Variants in NR1H4 observed in about 807,000 individuals in gnomAD.
The protein encoded by NR1H4 is bile acid receptor.
Under a neutral mutation model 58.5 loss-of-function variants are expected in NR1H4, and 23 were observed. The observed-to-expected ratio is 0.39, with a 90% CI of 0.28 to 0.56. NR1H4 has a LOEUF of 0.56. NR1H4 is among the 20% of genes least tolerant of loss of function. The pLI is 0.58. For synonymous variants in NR1H4, 214 were observed against 198.0 expected (o/e 1.08, Z -0.68); for missense variants, 487 against 576.9 (o/e 0.84, Z 1.60).
chr12:100,507,498 C>G (rs374537823), intron 3 of NR1H4, among the ~76,000 whole-genome samples: 1 of 151,944 alleles, frequency 6.6e-6, no homozygotes, highest in Non-Finnish European at 1.5e-5. Flanking sequence ...GAGTCTTGCT[C>G]TGTCTCCAGG....
intron 1 of NR1H4, among the ~76,000 whole-genome samples, chr12:100,477,833 C>T (rs148032520): frequency 6.6e-6 from 1 of 152,150 alleles, no homozygotes; most frequent in Admixed American, 6.5e-5. Flanking sequence ...AAAGAAATGT[C>T]ATTCCAAAGT....
rs757460153 is a variant in NR1H4 at position 100,540,703 on chromosome 12, T to C, written c.963T>C (p.Ile321=). The C allele has an allele frequency of 6.9e-5, 111 of 1,614,104 alleles. No homozygotes were observed. The highest frequency in any genetic ancestry group is 9.1e-5 in the Non-Finnish European group (107 of 1,180,024). ...GFQTLDHEDQ[I]ALLKGSAVEA... ...AGACTTTGGACCATGAAGACCAGATTGCTTTGCTGAAAGGGTCTGCGGTTG... is the reference window on the plus strand; with the variant it reads ...AGACTTTGGACCATGAAGACCAGATCGCTTTGCTGAAAGGGTCTGCGGTTG... The change falls in exon 9 of 11, where the codon ATT becomes ATC. Residue 321 remains isoleucine, a synonymous_variant. Transcript: ENST00000392986.
intron 9 of NR1H4, among the ~76,000 whole-genome samples, chr12:100,547,995 C>T (rs1196839636): frequency 2.0e-5 from 3 of 150,530 alleles, no homozygotes; most frequent in East Asian, 2.0e-4. Context: ...GCTGGGATTA[C>T]AGGCTTGAGC....
intron 4 of NR1H4, among the ~76,000 whole-genome samples, chr12:100,516,587 C>T (rs1954272358): frequency 6.6e-6 from 1 of 152,116 alleles, no homozygotes; most frequent in Non-Finnish European, 1.5e-5. Context: ...AGAATGATCT[C>T]CATCTCCTGA....
chr12:100,508,674 C>A (rs1219575025), intron 3 of NR1H4, among the ~76,000 whole-genome samples: 3 of 152,126 alleles, frequency 2.0e-5, no homozygotes. Context: ...CATACAAGTG[C>A]CTGCTACTAC....
At chr12:100,542,345 T>TAA (rs1954957871) in intron 9 of NR1H4, among the ~76,000 whole-genome samples, 1 of 150,942 alleles carries the variant, frequency 6.6e-6, no homozygotes, top group African/African-American at 2.5e-5. Flanking sequence ...AGACTCAGTC[T>TAA]GAAAAAAAAA....
chr12:100,557,914 T>G (rs907248813), intron 9 of NR1H4, among the ~76,000 whole-genome samples: 1 of 152,248 alleles, frequency 6.6e-6, no homozygotes, highest in Admixed American at 6.5e-5. Context: ...CTCATCTCAA[T>G]TAATCCATAA....
chr12:100,476,257 G>A (rs1053399177), intron 1 of NR1H4, among the ~76,000 whole-genome samples: 4 of 152,104 alleles, frequency 2.6e-5, no homozygotes, highest in African/African-American at 9.7e-5. Context: ...GGGACCAGCC[G>A]TTAAGCATTC....
chr12:100,482,954 T>C (rs1471706325), intron 1 of NR1H4, among the ~76,000 whole-genome samples: 1 of 152,012 alleles, frequency 6.6e-6, no homozygotes, highest in African/African-American at 2.4e-5. Flanking sequence ...TGAGACAGAG[T>C]GTCACTCTGT....
At chr12:100,494,915 T>C (rs570333185) in intron 3 of NR1H4, among the ~76,000 whole-genome samples, 1 of 152,340 alleles carries the variant, frequency 6.6e-6, no homozygotes, top group East Asian at 1.9e-4. Context: ...GGCTTCATCA[T>C]TACTAAACCA....
intron 1 of NR1H4, among the ~76,000 whole-genome samples, chr12:100,475,838 C>T (rs771211128): frequency 3.9e-5 from 6 of 152,118 alleles, no homozygotes; most frequent in Non-Finnish European, 8.8e-5. Flanking sequence ...CGGGTTCAAG[C>T]GATTCTCCTG....
chr12:100,501,949 A>G (rs900726250), intron 3 of NR1H4, among the ~76,000 whole-genome samples: 1 of 152,180 alleles, frequency 6.6e-6, no homozygotes, highest in Non-Finnish European at 1.5e-5. Context: ...AAAAACAACC[A>G]ATAGACTTAA....
chr12:100,558,377 GAGAC>G (rs1180891559), intron 9 of NR1H4, among the ~76,000 whole-genome samples: 2 of 120,808 alleles, frequency 1.7e-5, no homozygotes, highest in Non-Finnish European at 3.3e-5. Context: ...AAAAAAAAAA[GAGAC>G]AGCATCTCAC....
At chr12:100,551,967 A>G (rs1955213135) in intron 9 of NR1H4, among the ~76,000 whole-genome samples, 1 of 152,230 alleles carries the variant, frequency 6.6e-6, no homozygotes. Context: ...TGACAAGAAA[A>G]AAGTCTGTAC....
chr12:100,487,595 CTTTTTTTTTT>C (rs34694873), intron 1 of NR1H4, among the ~76,000 whole-genome samples: 3 of 115,976 alleles, frequency 2.6e-5, no homozygotes, highest in South Asian at 2.9e-4. Context: ...TCTTCTTCTT[CTTTTTTTTTT>C]TTTTTTTTTG....
intron 3 of NR1H4, among the ~76,000 whole-genome samples, chr12:100,506,166 A>G (rs1211737810): frequency 6.6e-6 from 1 of 152,196 alleles, no homozygotes; most frequent in African/African-American, 2.4e-5. Context: ...TCAATTAACT[A>G]TGATTAAAAT....
chr12:100,486,695 TAAG>T (rs1024864050), intron 1 of NR1H4, among the ~76,000 whole-genome samples: 2 of 151,642 alleles, frequency 1.3e-5, no homozygotes, highest in African/African-American at 4.9e-5. Context: ...TGATCGATAA[TAAG>T]AAAGGATGAT....
At chr12:100,544,087 C>G (rs1955001484) in intron 9 of NR1H4, among the ~76,000 whole-genome samples, 1 of 151,904 alleles carries the variant, frequency 6.6e-6, no homozygotes, top group South Asian at 2.1e-4. Context: ...CCCGTCTCTA[C>G]TAAAAATACA....
At chr12:100,505,882 C>A (rs2031706) in intron 3 of NR1H4, 5 of 354,766 alleles carry the variant, frequency 1.4e-5, no homozygotes, top group African/African-American at 4.3e-5. Context: ...TTGTCCTAAC[C>A]CTTGACATCC....
Sources: gnomAD v4.1 joint callset for allele counts (sites outside exome capture counted in the v4.1 genomes callset) on GRCh38, gnomAD v4.1.1 for gene constraint, MANE v1.5 for transcripts, NCBI Gene and HGNC (gene_info 2026-07-23, HGNC 2026-07-21) for gene names.